Variants in BMPR1A observed in about 807,000 individuals in gnomAD.
BMPR1A encodes bone morphogenetic protein receptor type 1A, also known as bone morphogenetic protein receptor type-1A.
In BMPR1A, 7 loss-of-function variants were observed where a neutral mutation model predicts 66.0. That is an observed-to-expected ratio of 0.11 (90% CI 0.06 to 0.20). The LOEUF (loss-of-function observed/expected upper bound fraction) is 0.20, where lower values mean the gene tolerates loss of function less well. Ranked by LOEUF, BMPR1A falls within the 10% of genes least tolerant of loss-of-function variation. The probability of loss-of-function intolerance (pLI) is 1.00; values close to 1 mark genes in which losing one functional copy is unlikely to be tolerated. For missense variants in BMPR1A, 408 were observed against 669.1 expected (o/e 0.61, Z 4.31); for synonymous variants, 200 against 229.7 (o/e 0.87, Z 1.17).
At chr10:86,810,308 A>G (rs1016689374) in intron 1 of BMPR1A, among the ~76,000 whole-genome samples, 1 of 152,080 alleles carries the variant, frequency 6.6e-6, no homozygotes, top group Non-Finnish European at 1.5e-5. Flanking sequence ...TGTGTAGAGT[A>G]ATGTATTCAT....
chr10:86,859,404 A>G (rs1234715000), intron 2 of BMPR1A, among the ~76,000 whole-genome samples: 1 of 151,978 alleles, frequency 6.6e-6, no homozygotes, highest in African/African-American at 2.4e-5. Flanking sequence ...CCTGGGCTCA[A>G]GTGATCCTCC....
At position 86,923,379 on chromosome 10, in the gene BMPR1A, T is replaced by A; in HGVS notation, c.1346T>A (p.Ile449Asn). Residue 449 changes from isoleucine to asparagine, a missense_variant, in exon 12 of 13, where the codon ATC becomes AAC. Ile to Asn is a moderately radical substitution (Grantham distance 149). Coordinates refer to ENST00000372037, the MANE Select transcript of BMPR1A (RefSeq NM_004329.3). ...EMARRCITGG[I>N]VEEYQLPYYN... ...ATGTTTTCTCATTCCCTTATAGGGA[T>A]CGTGGAAGAATACCAATTGCCATAT... The A allele has an allele frequency of 6.2e-7, 1 of 1,614,112 alleles. No individual in the cohort carries two copies.
At chr10:86,866,416 T>C (rs1004102311) in intron 2 of BMPR1A, among the ~76,000 whole-genome samples, 1 of 133,962 alleles carries the variant, frequency 7.5e-6, no homozygotes, top group Non-Finnish European at 1.6e-5. Flanking sequence ...TTTTTTTTTT[T>C]TTTTTTTTTT....
At chr10:86,869,364 G>A (rs753240022) in intron 2 of BMPR1A, among the ~76,000 whole-genome samples, 7 of 151,500 alleles carry the variant, frequency 4.6e-5, no homozygotes, top group Non-Finnish European at 8.8e-5. Flanking sequence ...GGCTGAAGCA[G>A]GAGAATTGCT....
At chr10:86,911,188 G>C (rs986239820) in intron 7 of BMPR1A, among the ~76,000 whole-genome samples, 8 of 148,988 alleles carry the variant, frequency 5.4e-5, no homozygotes, top group African/African-American at 2.0e-4. Context: ...TAAACCTTGA[G>C]AACATATTTC....
At chr10:86,865,007 C>G (rs894697662) in intron 2 of BMPR1A, among the ~76,000 whole-genome samples, 1 of 152,194 alleles carries the variant, frequency 6.6e-6, no homozygotes, top group Non-Finnish European at 1.5e-5. Context: ...AACACTTCAA[C>G]ACTATTTTGT....
intron 1 of BMPR1A, among the ~76,000 whole-genome samples, chr10:86,766,609 A>C (rs919957995): frequency 4.5e-5 from 6 of 133,626 alleles, no homozygotes; most frequent in Non-Finnish European, 9.1e-5. Context: ...CAACATAATC[A>C]TATCAGTCTT....
At chr10:86,907,439 T>C (rs574070434) in intron 7 of BMPR1A, among the ~76,000 whole-genome samples, 1 of 152,276 alleles carries the variant, frequency 6.6e-6, no homozygotes, top group African/African-American at 2.4e-5. Flanking sequence ...CTCAAAAAAC[T>C]AAAATCAGAA....
At chr10:86,869,510 A>T (rs1304996444) in intron 2 of BMPR1A, among the ~76,000 whole-genome samples, 1 of 151,156 alleles carries the variant, frequency 6.6e-6, no homozygotes, top group African/African-American at 2.4e-5. Context: ...TAATCTCAGC[A>T]CTTTGGGAGG....
At chr10:86,931,829 C>A (rs1437094232), downstream of BMPR1A, 2 of 151,982 alleles carry the variant, frequency 1.3e-5, no homozygotes, top group Non-Finnish European at 2.9e-5. Context: ...TCTTTTGTTT[C>A]TTCCCTTTTT....
rs942244662 is a variant in BMPR1A, at chr10:86,799,425, A to C, written c.-267-39440A>C. Among the ~76,000 whole-genome samples the C allele has an allele frequency of 1.3e-4, 20 of 151,974 alleles. 1 individual carries two copies. In the Middle Eastern group the frequency reaches 0.014, roughly 103 times the overall value. ...GCTCTACAAATAACTACTGATAACT[A>C]CTTTTTTTCATGAGTAATTGTACAT... On this transcript the variant is annotated intron_variant, in intron 1 of 12. Coordinates refer to ENST00000372037, the MANE Select transcript of BMPR1A (RefSeq NM_004329.3).
intron 2 of BMPR1A, among the ~76,000 whole-genome samples, chr10:86,863,069 T>A (rs1478837089): frequency 6.6e-6 from 1 of 150,932 alleles, no homozygotes; most frequent in Non-Finnish European, 1.5e-5. Flanking sequence ...AACCTCTACC[T>A]CCCAGGTTCA....
At chr10:86,759,124 C>T (rs142540273) in intron 1 of BMPR1A, among the ~76,000 whole-genome samples, 2 of 152,140 alleles carry the variant, frequency 1.3e-5, no homozygotes, top group African/African-American at 2.4e-5. Flanking sequence ...GGGAAAGATA[C>T]CTTAAAATTG....
intron 1 of BMPR1A, among the ~76,000 whole-genome samples, chr10:86,801,721 C>CT (rs967095000): frequency 3.3e-5 from 5 of 151,476 alleles, no homozygotes; most frequent in South Asian, 2.1e-4. Flanking sequence ...CTGCCTTATT[C>CT]TTTTTTTTGT....
intron 2 of BMPR1A, among the ~76,000 whole-genome samples, chr10:86,857,213 G>A (rs761046477): frequency 2.9e-4 from 44 of 152,076 alleles, no homozygotes; most frequent in Admixed American, 2.0e-3. Context: ...GGCCTTTCTG[G>A]TGAGCAGACC....
rs876659086 is a variant in BMPR1A, at chr10:86,892,153, TAGA to T, written c.264_266del (p.Glu88del). ...ACTAATGGACATTGCTTTGCCATCA[TAGA>T]AGAAGATGACCAGGGAGAAACCACA... On this transcript the variant is annotated inframe_deletion, in exon 5 of 13. Coordinates refer to ENST00000372037, the MANE Select transcript of BMPR1A (RefSeq NM_004329.3). 3 of 1,613,674 alleles carry T rather than the reference TAGA, an allele frequency of 1.9e-6. No individual in the cohort carries two copies. Among genetic ancestry groups the T allele is most frequent in the Non-Finnish European group, 1.7e-6 (2 of 1,179,586 alleles).
intron 1 of BMPR1A, among the ~76,000 whole-genome samples, chr10:86,836,742 G>A (rs1457910550): frequency 6.6e-6 from 1 of 152,162 alleles, no homozygotes; most frequent in Non-Finnish European, 1.5e-5. Flanking sequence ...AGACCAGCCT[G>A]GGCAACACGG....
At chr10:86,849,774 A>C (rs186569238) in intron 2 of BMPR1A, among the ~76,000 whole-genome samples, 1 of 152,336 alleles carries the variant, frequency 6.6e-6, no homozygotes, top group East Asian at 1.9e-4. Flanking sequence ...AATAATAGAC[A>C]CCAGGGAATG....
intron 1 of BMPR1A, among the ~76,000 whole-genome samples, chr10:86,811,487 T>G (rs1194925864): frequency 6.6e-6 from 1 of 152,214 alleles, no homozygotes; most frequent in Non-Finnish European, 1.5e-5. Context: ...TGTTGAAGAA[T>G]TTTGCCTATT....
Sources: allele counts gnomAD v4.1 joint callset (sites outside exome capture counted in the v4.1 genomes callset), GRCh38; gene constraint gnomAD v4.1.1; transcripts MANE v1.5; gene names NCBI Gene and HGNC (gene_info 2026-07-23, HGNC 2026-07-21).